Variants in SAMD5 observed in about 807,000 individuals in gnomAD.
SAMD5 encodes sterile alpha motif domain-containing protein 5.
In SAMD5, 13 loss-of-function variants were observed where a neutral mutation model predicts 11.3. The observed-to-expected ratio is 1.15, with a 90% CI of 0.75 to 1.83. The LOEUF (loss-of-function observed/expected upper bound fraction) is 1.83. SAMD5 is among the 40% of genes most tolerant of loss of function. The probability of loss-of-function intolerance (pLI) is 0.00; values close to 1 mark genes in which losing one functional copy is unlikely to be tolerated. For missense variants in SAMD5, 255 were observed against 239.1 expected, an observed-to-expected ratio of 1.07 and a Z score of -0.44; for synonymous variants, 129 against 111.3, an observed-to-expected ratio of 1.16 and a Z score of -1.00.
chr6:147,589,157 C>T (rs1789418361), intron 1 of SAMD5, among the ~76,000 whole-genome samples: 1 of 151,932 alleles, frequency 6.6e-6, no homozygotes, highest in Non-Finnish European at 1.5e-5. Context: ...CAGGATCTCA[C>T]TATGTTGCCA....
intron 1 of SAMD5, among the ~76,000 whole-genome samples, chr6:147,610,638 CACTG>C (rs1789769559): frequency 1.3e-5 from 2 of 152,210 alleles, no homozygotes; most frequent in African/African-American, 4.8e-5. Context: ...GACCTGCACA[CACTG>C]ACTGTTTCAG....
chr6:147,897,977 T>G, the SAMD5 span, among the ~76,000 whole-genome samples: 28 of 92,892 alleles, frequency 3.0e-4, no homozygotes, highest in African/African-American at 8.3e-4. Context: ...AAAAAAAAAG[T>G]AGCCAGGTGA....
the SAMD5 span, among the ~76,000 whole-genome samples, chr6:147,946,520 T>C: frequency 1.3e-5 from 2 of 152,238 alleles, no homozygotes; most frequent in African/African-American, 4.8e-5. Context: ...TTTCATGTTC[T>C]ATAATATCTT....
the SAMD5 span, among the ~76,000 whole-genome samples, chr6:147,830,006 G>A: frequency 1.3e-5 from 2 of 152,158 alleles, no homozygotes; most frequent in African/African-American, 4.8e-5. Flanking sequence ...AGAGAAGCAT[G>A]ATAAATCTGT....
At chr6:147,860,010 T>C in the SAMD5 span, among the ~76,000 whole-genome samples, 32 of 152,182 alleles carry the variant, frequency 2.1e-4, no homozygotes, top group African/African-American at 7.7e-4. Flanking sequence ...AGGGCTGCCA[T>C]AGCAAAGTGC....
At chr6:147,524,686 C>T (rs1187919024) in intron 1 of SAMD5, among the ~76,000 whole-genome samples, 1 of 152,148 alleles carries the variant, frequency 6.6e-6, no homozygotes, top group African/African-American at 2.4e-5. Context: ...GTTTTCCATT[C>T]GCACCTAGAT....
chr6:147,944,147 C>T, the SAMD5 span, among the ~76,000 whole-genome samples: 1 of 152,188 alleles, frequency 6.6e-6, no homozygotes, highest in Non-Finnish European at 1.5e-5. Context: ...TCTCTCTCAG[C>T]TTCCTTACTA....
At chr6:147,747,205 A>C in the SAMD5 span, among the ~76,000 whole-genome samples, 3 of 152,186 alleles carry the variant, frequency 2.0e-5, no homozygotes, top group African/African-American at 7.2e-5. Context: ...ATGAGGAAAA[A>C]GAGGTGTTTC....
At chr6:147,728,321 G>A (rs1791659180) in intron 1 of SAMD5, among the ~76,000 whole-genome samples, 2 of 152,206 alleles carry the variant, frequency 1.3e-5, no homozygotes, top group Admixed American at 1.3e-4. Flanking sequence ...GGGAGGCTGA[G>A]GCACGAGAAT....
intron 1 of SAMD5, among the ~76,000 whole-genome samples, chr6:147,604,127 C>A (rs1418590132): frequency 6.6e-6 from 1 of 151,746 alleles, no homozygotes; most frequent in African/African-American, 2.4e-5. Flanking sequence ...AGACTGACGA[C>A]TAGAAAAATT....
the SAMD5 span, among the ~76,000 whole-genome samples, chr6:147,850,201 G>A: frequency 6.6e-6 from 1 of 152,078 alleles, no homozygotes; most frequent in Non-Finnish European, 1.5e-5. Flanking sequence ...CTTTGGCTTT[G>A]CAAAGACAAC....
the SAMD5 span, among the ~76,000 whole-genome samples, chr6:147,884,278 C>A: frequency 1.3e-5 from 2 of 152,082 alleles, no homozygotes; most frequent in African/African-American, 4.8e-5. Flanking sequence ...CAAGGTGGAA[C>A]GGAGATTGAT....
chr6:147,523,887 C>A (rs1376638801), intron 1 of SAMD5, among the ~76,000 whole-genome samples: 1 of 152,166 alleles, frequency 6.6e-6, no homozygotes, highest in Non-Finnish European at 1.5e-5. Context: ...CTCAGTGTAT[C>A]TCTGGCTTCC....
At chr6:147,767,052 T>C in the SAMD5 span, among the ~76,000 whole-genome samples, 1 of 152,198 alleles carries the variant, frequency 6.6e-6, no homozygotes, top group Non-Finnish European at 1.5e-5. Context: ...TAAACAGTAT[T>C]TCATTGTTAT....
chr6:147,918,657 A>ATGTG, the SAMD5 span, among the ~76,000 whole-genome samples: 1 of 151,502 alleles, frequency 6.6e-6, no homozygotes, highest in Non-Finnish European at 1.5e-5. Flanking sequence ...GACTCAGGAT[A>ATGTG]CAAAATCAAT....
At chr6:147,795,631 G>T in the SAMD5 span, among the ~76,000 whole-genome samples, 6 of 150,986 alleles carry the variant, frequency 4.0e-5, no homozygotes, top group African/African-American at 1.5e-4. Flanking sequence ...GATCCCTGAG[G>T]AATCACCACA....
intron 1 of SAMD5, among the ~76,000 whole-genome samples, chr6:147,593,127 G>T (rs9885804): frequency 0.34 from 51,913 of 151,888 alleles, 9,091 homozygotes; most frequent in South Asian, 0.37. Context: ...TTAGTGGCTG[G>T]GACTGGAATC....
the SAMD5 span, among the ~76,000 whole-genome samples, chr6:147,805,476 G>C: frequency 6.6e-6 from 1 of 152,126 alleles, no homozygotes; most frequent in South Asian, 2.1e-4. Flanking sequence ...GATTTGAAAA[G>C]ACCTAGTATA....
chr6:147,739,488 C>G (rs1207035694), downstream of SAMD5, among the ~76,000 whole-genome samples: 1 of 152,054 alleles, frequency 6.6e-6, no homozygotes, highest in African/African-American at 2.4e-5. Context: ...GTCCCAGCTG[C>G]TTGGGAAGCT....
Sources: gnomAD v4.1 joint callset for allele counts (sites outside exome capture counted in the v4.1 genomes callset) on GRCh38, gnomAD v4.1.1 for gene constraint, MANE v1.5 for transcripts, NCBI Gene and HGNC (gene_info 2026-07-23, HGNC 2026-07-21) for gene names.